STKLD1: variants seen among roughly 807,000 people sequenced by gnomAD.
The protein encoded by STKLD1 is serine/threonine kinase-like domain-containing protein STKLD1.
A neutral mutation model predicts 80.4 loss-of-function variants in STKLD1; 79 were observed. That is an observed-to-expected ratio of 0.98 (90% CI 0.82 to 1.19). STKLD1 has a LOEUF of 1.19. STKLD1 is among the 50% of genes most tolerant of loss of function. The probability of loss-of-function intolerance (pLI) is 0.00; values close to 1 mark genes in which losing one functional copy is unlikely to be tolerated. For synonymous variants in STKLD1, 393 were observed against 357.6 expected, an observed-to-expected ratio of 1.10 and a Z score of -1.12; for missense variants, 841 against 856.0, an observed-to-expected ratio of 0.98 and a Z score of 0.22.
Position 133,387,618 on chromosome 9 carries a change from A to G in STKLD1, c.396+70A>G. 2.4e-6 allele frequency: 3 copies of G among 1,244,770 alleles called. No homozygotes were observed. In the South Asian group the frequency reaches 3.6e-5, roughly 15 times the overall value. The allele number at this position is 1,244,770 out of a possible 1,614,324, so 77.1% of individuals were successfully genotyped here. A position where few individuals can be genotyped will look rare whatever the true frequency, so the allele number is the denominator to read the frequency against. On this transcript the variant is annotated intron_variant, in intron 5 of 17. Transcript: ENST00000371957. ...TGACACAGGCCCTGCGGTGCAGGGC[A>G]AAGTAACAGCGGGAGGGCAGGCACC...
intron 12 of STKLD1, among the ~76,000 whole-genome samples, chr9:133,401,074 G>A (rs782509886): frequency 2.5e-4 from 38 of 152,124 alleles, no homozygotes; most frequent in Non-Finnish European, 4.7e-4. Context: ...CCTCCTATGA[G>A]AGACATGGGT....
At chr9:133,403,041 C>A (rs374705117) in intron 14 of STKLD1, 29 bp downstream of exon 14, 51 of 1,540,450 alleles carry the variant, frequency 3.3e-5, no homozygotes, top group Non-Finnish European at 4.3e-5. Context: ...GCTGTCCCAC[C>A]GGGGCTGGCA....
intron 13 of STKLD1, 62 bp from the exon 14 acceptor site, chr9:133,402,814 AAC>A: frequency 9.0e-6 from 14 of 1,549,350 alleles, no homozygotes; most frequent in Non-Finnish European, 1.2e-5. Context: ...GCCCAAGGAC[AAC>A]AGAGGCAGGA....
In STKLD1 at chr9:133,394,171, G is replaced by A. The variant is rs142253615; in HGVS notation, c.584-120G>A. On this transcript the variant is annotated intron_variant, in intron 7 of 17. Transcript: ENST00000371957. This position sits in a 1 kb window ranked among gnomAD's most constrained non-coding sequence, Gnocchi z 4.9. ...TGAGAAGAGGACCTGCAGGGCTTGT[G>A]TTTCAAGCTGCTTGCGGGGGGCCAC... 3.1e-3 allele frequency: 2,240 copies of A among 720,284 alleles called. 63 individuals carry two copies. The South Asian group carries it at 0.034, about 11-fold the overall frequency. The allele number at this position is 720,284 out of a possible 1,614,324, so 44.6% of individuals were successfully genotyped here.
intron 8 of STKLD1, among the ~76,000 whole-genome samples, chr9:133,395,321 A>T (rs1838531307): frequency 6.6e-6 from 1 of 152,006 alleles, no homozygotes; most frequent in African/African-American, 2.4e-5. Context: ...CACTCTGTGA[A>T]ATGGGCATGC....
chr9:133,396,201 G>A (rs145054389), intron 9 of STKLD1: 1,688 of 158,208 alleles, frequency 0.011, 14 homozygotes, highest in Non-Finnish European at 0.015. Context: ...GGGGGGCTGA[G>A]GCGGGTAGAT....
At chr9:133,400,347 T>A (rs1838667687) in intron 11 of STKLD1, 66 bp from the exon 12 acceptor site, 7 of 1,215,638 alleles carry the variant, frequency 5.8e-6, no homozygotes, top group Middle Eastern at 1.9e-4. Context: ...CTGGGGGCCC[T>A]GGTCGGGTCT....
At chr9:133,392,603 G>GTGGATGGATGGA (rs1245671424) in intron 7 of STKLD1, among the ~76,000 whole-genome samples, 377 of 36,502 alleles carry the variant, frequency 0.01, 7 homozygotes, top group African/African-American at 0.023. Flanking sequence ...GGATGGATGG[G>GTGGATGGATGGA]TGGATGGATG....
chr9:133,402,024 T>C (rs1588756703), intron 13 of STKLD1, 146 bp downstream of exon 13: 2 of 1,009,784 alleles, frequency 2.0e-6, no homozygotes, highest in East Asian at 5.3e-5. Context: ...TTTGGCCGTC[T>C]TCATTTGGCC....
chr9:133,404,267 G>A (rs587730891), intron 16 of STKLD1, among the ~76,000 whole-genome samples: 1 of 152,298 alleles, frequency 6.6e-6, no homozygotes, highest in Non-Finnish European at 1.5e-5. Flanking sequence ...GCTACCCTGT[G>A]ACCCTCTCTC....
In STKLD1 at chr9:133,394,248, G is replaced by C; in HGVS notation, c.584-43G>C. On this transcript the variant is annotated intron_variant, in intron 7 of 17. Transcript: ENST00000371957. This position sits in a 1 kb window ranked among gnomAD's most constrained non-coding sequence, Gnocchi z 4.9. ...TGACTCTGTCAAGCCCCTGCCCCCA[G>C]GGAGCAAAGGACTCAGGGATCCCAC... 7.2e-7 allele frequency: 1 copy of C among 1,383,146 alleles called. No homozygotes were observed. The highest frequency in any genetic ancestry group is 1.0e-6 in the Non-Finnish European group (1 of 969,704). The allele number at this position is 1,383,146 out of a possible 1,614,324, so 85.7% of individuals were successfully genotyped here.
intron 5 of STKLD1, chr9:133,388,667 A>G: frequency 7.0e-6 from 6 of 853,148 alleles, no homozygotes; most frequent in Non-Finnish European, 8.5e-6. Context: ...TTCCTGCTCC[A>G]AGATCATGAA....
intron 5 of STKLD1, 24 bp downstream of exon 5, chr9:133,387,572 C>A (rs1838292888): frequency 1.3e-6 from 2 of 1,588,996 alleles, no homozygotes; most frequent in Non-Finnish European, 1.7e-6. Context: ...GGGCACCAGG[C>A]CTGGGGGCCA....
chr9:133,379,533 C>T (rs2130261263), intron 2 of STKLD1, among the ~76,000 whole-genome samples: 6 of 152,224 alleles, frequency 3.9e-5, no homozygotes, highest in East Asian at 1.9e-4. Flanking sequence ...TGGGGGACAC[C>T]GTGCTACCCA....
At chr9:133,388,998 C>T (rs1838324894) in intron 5 of STKLD1, 3 of 985,442 alleles carry the variant, frequency 3.0e-6, no homozygotes, top group African/African-American at 1.7e-5. Flanking sequence ...CCCTCTCTGA[C>T]ACCCCAGGGT....
At chr9:133,387,984 G>A (rs2130281492) in intron 5 of STKLD1, 17 of 395,768 alleles carry the variant, frequency 4.3e-5, no homozygotes, top group South Asian at 2.2e-4. Context: ...TGATTGCGCT[G>A]CAGGCTGTTT....
At chr9:133,403,076 T>C in intron 14 of STKLD1, 64 bp downstream of exon 14, 1 of 1,493,230 alleles carries the variant, frequency 6.7e-7, no homozygotes, top group Non-Finnish European at 9.0e-7. Context: ...CCTCCCTAAC[T>C]GCCCCTGAGA....
Position 133,397,264 on chromosome 9 carries a change from C to G in STKLD1, c.967C>G (p.Leu323Val), listed in dbSNP as rs1489642029. ...QMVPASITDM[L>V]LEGNVASILE... ...GGTGCCTGCGTCCATCACCGACATG[C>G]TGTTAGAAGGCAACGTGGCCAGCAT... is the stretch of plus-strand genomic sequence containing the variant. Residue 323 changes from leucine (L) to valine (V), a missense_variant, in exon 10 of 18, where the codon CTG becomes GTG. Transcript: ENST00000371957. The G allele has an allele frequency of 6.2e-7, 1 of 1,613,704 alleles. No homozygotes were observed. The highest frequency in any genetic ancestry group is 8.5e-7 in the Non-Finnish European group (1 of 1,180,022).
Position 133,385,518 on chromosome 9 carries a change from A to AACTC in STKLD1, c.220-99_220-98insACTC. The stretch of plus-strand genomic sequence containing the variant: ...ACTCCCTGGCCCAGCTCAGAGCCCG[A>AACTC]GGCTTGCATGTTTGTTGGGATGTGT... On this transcript the variant is annotated intron_variant, in intron 3 of 17. Transcript: ENST00000371957. This position sits in a 1 kb window ranked among gnomAD's most constrained non-coding sequence, Gnocchi z 4.9. 7.9e-7 allele frequency: 1 copy of AACTC among 1,268,404 alleles called. No homozygotes were observed. Among genetic ancestry groups the AACTC allele is most frequent in the Non-Finnish European group, 1.1e-6 (1 of 883,480 alleles). 78.6% of individuals were successfully genotyped at this position (1,268,404 alleles called of 1,614,324 possible).
Sources: allele counts gnomAD v4.1 joint callset (sites outside exome capture counted in the v4.1 genomes callset), GRCh38; gene constraint gnomAD v4.1.1; non-coding constraint Gnocchi (gnomAD v3.1); transcripts MANE v1.5; gene names NCBI Gene and HGNC (gene_info 2026-07-23, HGNC 2026-07-21).